The following FSTL4 variants were observed in gnomAD, a reference collection of about 807,000 sequenced individuals.
The protein encoded by FSTL4 is follistatin like 4.
In FSTL4, 28 loss-of-function variants were observed where a neutral mutation model predicts 78.2. That is an observed-to-expected ratio of 0.36 (90% CI 0.27 to 0.49). FSTL4 has a LOEUF of 0.49. FSTL4 is among the 20% of genes least tolerant of loss of function. FSTL4 has a pLI of 0.98. For missense variants in FSTL4, 922 were observed against 1,084.9 expected (o/e 0.85, Z 2.11); for synonymous variants, 422 against 440.5 (o/e 0.96, Z 0.53).
At chr5:133,766,098 T>C in the FSTL4 span, among the ~76,000 whole-genome samples, 3 of 152,088 alleles carry the variant, frequency 2.0e-5, no homozygotes, top group African/African-American at 7.2e-5. Flanking sequence ...AGAGTGTAGG[T>C]GCTCAATAAA....
the FSTL4 span, among the ~76,000 whole-genome samples, chr5:133,812,432 C>T: frequency 1.3e-5 from 2 of 152,250 alleles, no homozygotes; most frequent in Admixed American, 6.5e-5. Context: ...TCCTATCACA[C>T]CCTTCCTATG....
Position 133,440,175 on chromosome 5 carries a change from C to T in FSTL4, c.161-39189G>A, listed in dbSNP as rs1757122775. ...GAGAGCTCTGGAACCCGGGGCTACA[C>T]CCATTCACTGAATAATTTCTGGGCG... On this transcript the variant is annotated intron_variant, in intron 3 of 15. Transcript: ENST00000265342. The surrounding 1 kb of genome is among the most constrained non-coding windows in gnomAD (Gnocchi z 4.1). Among the ~76,000 whole-genome samples the T allele has an allele frequency of 1.3e-5, 2 of 152,150 alleles. No homozygotes were observed. Among genetic ancestry groups the T allele is most frequent in the Non-Finnish European group, 2.9e-5 (2 of 68,020 alleles).
At chr5:133,389,334 T>C (rs1580671275) in intron 4 of FSTL4, among the ~76,000 whole-genome samples, 1 of 152,194 alleles carries the variant, frequency 6.6e-6, no homozygotes, top group Non-Finnish European at 1.5e-5. Flanking sequence ...GCTAAATCCA[T>C]GGTCACTGCC....
the FSTL4 span, among the ~76,000 whole-genome samples, chr5:133,779,667 C>T: frequency 6.6e-6 from 1 of 152,174 alleles, no homozygotes; most frequent in Non-Finnish European, 1.5e-5. Flanking sequence ...AATCACTCCC[C>T]ACTGCTCTTG....
At chr5:133,796,674 C>A in the FSTL4 span, among the ~76,000 whole-genome samples, 7 of 151,992 alleles carry the variant, frequency 4.6e-5, no homozygotes. Flanking sequence ...GTTCTGCCAT[C>A]TGTCTGTCTG....
the FSTL4 span, among the ~76,000 whole-genome samples, chr5:133,835,012 T>C: frequency 6.6e-6 from 1 of 152,190 alleles, no homozygotes; most frequent in Non-Finnish European, 1.5e-5. Flanking sequence ...AGCAAAACTC[T>C]TTAAAAATAA....
At position 133,604,013 on chromosome 5, in the gene FSTL4, T is replaced by C. The variant is rs895506394; in HGVS notation, c.-10-20A>G. On this transcript the variant is annotated intron_variant, in intron 1 of 15. Transcript: ENST00000265342. ...ATGAGTCTGTTGAAGAAATGACAAA[T>C]GCTGAGAATAAAACATTATGAGATG... 3.2e-6 allele frequency: 5 copies of C among 1,580,224 alleles called. No homozygotes were observed. The Admixed American group carries it at 5.0e-5, about 16-fold the overall frequency.
chr5:133,520,122 C>T (rs1250261126), intron 3 of FSTL4, among the ~76,000 whole-genome samples: 1 of 152,084 alleles, frequency 6.6e-6, no homozygotes, highest in Non-Finnish European at 1.5e-5. Flanking sequence ...CAGGACCCTC[C>T]CTTCTCCTTC....
Position 133,265,360 on chromosome 5 carries a change from A to C in FSTL4, c.728-15784T>G, listed in dbSNP as rs371743196. ...TCACAGAGGAGCTCAAAACTATGCA[A>C]ATATGCCCAGATCATCTCAACTCAA... On this transcript the variant is annotated intron_variant, in intron 6 of 15. Coordinates refer to ENST00000265342, the MANE Select transcript of FSTL4 (RefSeq NM_015082.2). Among the ~76,000 whole-genome samples, 6 of 152,114 alleles carry C rather than the reference A, an allele frequency of 3.9e-5. No homozygotes were observed. In the East Asian group the frequency reaches 5.8e-4, roughly 15 times the overall value.
chr5:133,240,250 G>A (rs142662883), intron 7 of FSTL4, among the ~76,000 whole-genome samples: 2,415 of 152,246 alleles, frequency 0.016, 55 homozygotes, highest in African/African-American at 0.055. Context: ...GAGGGTCCGC[G>A]GCTTCATTCT....
chr5:133,473,500 G>A (rs1475235411), intron 3 of FSTL4, among the ~76,000 whole-genome samples: 1 of 152,210 alleles, frequency 6.6e-6, no homozygotes, highest in Non-Finnish European at 1.5e-5. Context: ...GCAGTGTGTG[G>A]TGAGGGCTGC....
At chr5:133,389,595 G>A (rs931003697) in intron 4 of FSTL4, among the ~76,000 whole-genome samples, 1 of 152,130 alleles carries the variant, frequency 6.6e-6, no homozygotes, top group South Asian at 2.1e-4. Flanking sequence ...CTTTATAAGA[G>A]ACATCTTCCT....
chr5:133,600,243 G>A (rs377749234), intron 2 of FSTL4, among the ~76,000 whole-genome samples: 2 of 152,068 alleles, frequency 1.3e-5, no homozygotes, highest in Admixed American at 6.5e-5. Context: ...AGATGATTTT[G>A]CCCTAAGTGT....
the FSTL4 span, among the ~76,000 whole-genome samples, chr5:133,757,786 A>G: frequency 6.6e-6 from 1 of 152,208 alleles, no homozygotes; most frequent in Non-Finnish European, 1.5e-5. Flanking sequence ...TGATTTCCAC[A>G]TAAATTTGAA....
chr5:133,303,353 T>A (rs1175241535), intron 6 of FSTL4, among the ~76,000 whole-genome samples: 1 of 152,166 alleles, frequency 6.6e-6, no homozygotes, highest in African/African-American at 2.4e-5. Flanking sequence ...CACTGGCTTA[T>A]CTTCTGGGGG....
the FSTL4 span, among the ~76,000 whole-genome samples, chr5:133,798,323 G>T: frequency 2.0e-5 from 3 of 152,230 alleles, no homozygotes; most frequent in African/African-American, 7.2e-5. Flanking sequence ...CAGCCATCTC[G>T]CTTCCCAGAG....
chr5:133,267,795 G>A (rs904046642), intron 6 of FSTL4, among the ~76,000 whole-genome samples: 1 of 152,178 alleles, frequency 6.6e-6, no homozygotes, highest in Admixed American at 6.5e-5. Context: ...AGAGGTCAGG[G>A]TCCAGAGAAC....
intron 6 of FSTL4, among the ~76,000 whole-genome samples, chr5:133,282,473 T>C (rs1416655134): frequency 1.3e-5 from 2 of 152,200 alleles, no homozygotes; most frequent in Non-Finnish European, 1.5e-5. Flanking sequence ...CACGGAATAA[T>C]TGAAATATGT....
the FSTL4 span, among the ~76,000 whole-genome samples, chr5:133,818,695 C>A: frequency 2.0e-5 from 3 of 151,270 alleles, no homozygotes; most frequent in South Asian, 4.2e-4. Context: ...CACTTTCCAC[C>A]AATTTCAGGG....
Sources: allele counts gnomAD v4.1 joint callset (sites outside exome capture counted in the v4.1 genomes callset), GRCh38; gene constraint gnomAD v4.1.1; non-coding constraint Gnocchi (gnomAD v3.1); transcripts MANE v1.5; gene names NCBI Gene and HGNC (gene_info 2026-07-23, HGNC 2026-07-21).